The following STK32C variants were observed in gnomAD, a reference collection of about 807,000 sequenced individuals.
The protein encoded by STK32C is serine/threonine kinase 32C.
A neutral mutation model predicts 56.5 loss-of-function variants in STK32C; 31 were observed. That is an observed-to-expected ratio of 0.55 (90% CI 0.41 to 0.74). STK32C has a LOEUF of 0.74. Among genes scored for constraint, STK32C ranks in the 30% least tolerant of loss-of-function variants. STK32C has a pLI of 0.00. For missense variants in STK32C, 544 were observed against 676.9 expected (o/e 0.80, Z 2.18); for synonymous variants, 309 against 289.4 (o/e 1.07, Z -0.69).
rs1180550466 is a variant in STK32C at position 132,275,737 on chromosome 10, G to C, written c.263-29782C>G. Among the ~76,000 whole-genome samples, 3 of 152,304 alleles carry C rather than the reference G, an allele frequency of 2.0e-5. No individual in the cohort carries two copies. In the East Asian group the frequency reaches 5.8e-4, roughly 29 times the overall value. ...ACACCACCTTCTCTCAGGCTCCAGG[G>C]TCTGCCTTCCTGGGAAATCCCTTCA... On this transcript the variant is annotated intron_variant, in intron 1 of 11. Transcript: ENST00000298630.
chr10:132,293,560 G>C (rs1260644202), intron 1 of STK32C, among the ~76,000 whole-genome samples: 1 of 152,192 alleles, frequency 6.6e-6, no homozygotes, highest in East Asian at 1.9e-4. Context: ...CTGCCACCCA[G>C]ACTGGGCCAG....
chr10:132,303,662 T>C (rs1490048247), intron 1 of STK32C, among the ~76,000 whole-genome samples: 3 of 152,220 alleles, frequency 2.0e-5, no homozygotes, highest in Non-Finnish European at 2.9e-5. Flanking sequence ...CTGAATGCTC[T>C]AAACATTTAA....
At chr10:132,323,524 C>A (rs905235149), downstream of STK32C, among the ~76,000 whole-genome samples, 2 of 152,226 alleles carry the variant, frequency 1.3e-5, no homozygotes, top group Admixed American at 1.3e-4. The surrounding 1 kb of genome is among the most constrained non-coding windows in gnomAD (Gnocchi z 4.8). Flanking sequence ...CTAATTGTGG[C>A]AGACAGAATA....
At chr10:132,247,782 G>A (rs1025158047) in intron 1 of STK32C, among the ~76,000 whole-genome samples, 7 of 152,092 alleles carry the variant, frequency 4.6e-5, no homozygotes, top group African/African-American at 7.2e-5. Context: ...TGGGGAGAGC[G>A]GTTTGATTTA....
intron 2 of STK32C, among the ~76,000 whole-genome samples, chr10:132,242,473 A>C (rs7905803): frequency 0.045 from 6,790 of 151,796 alleles, 263 homozygotes; most frequent in African/African-American, 0.11. Flanking sequence ...AAAGACAGAC[A>C]CTCCAAGAGG....
intron 10 of STK32C, among the ~76,000 whole-genome samples, chr10:132,218,722 C>T (rs142139891): frequency 4.7e-4 from 72 of 152,270 alleles, no homozygotes; most frequent in African/African-American, 1.6e-3. Context: ...AATAAAAGTA[C>T]ATATCCACAC....
chr10:132,301,916 C>T (rs1241822964), intron 1 of STK32C, among the ~76,000 whole-genome samples: 1 of 152,224 alleles, frequency 6.6e-6, no homozygotes, highest in Admixed American at 6.5e-5. Flanking sequence ...CCCTCACTCA[C>T]CATGATGCAC....
At chr10:132,259,791 T>A (rs759853059) in intron 1 of STK32C, among the ~76,000 whole-genome samples, 10 of 152,354 alleles carry the variant, frequency 6.6e-5, no homozygotes, top group Middle Eastern at 3.4e-3. Context: ...CAGGAAACCA[T>A]GGCCGGCATT....
chr10:132,221,788 G>A (rs1220395338), intron 10 of STK32C, among the ~76,000 whole-genome samples: 26 of 129,104 alleles, frequency 2.0e-4, no homozygotes, highest in African/African-American at 5.0e-4. Context: ...CGAGTCTGAG[G>A]GCTTCATGTG....
At chr10:132,283,685 C>G (rs2065286013) in intron 1 of STK32C, among the ~76,000 whole-genome samples, 1 of 152,162 alleles carries the variant, frequency 6.6e-6, no homozygotes, top group Admixed American at 6.5e-5. Flanking sequence ...GAGGGAGAGG[C>G]CGCGGGCTGT....
At chr10:132,242,435 G>T (rs1565099817) in intron 2 of STK32C, among the ~76,000 whole-genome samples, 1 of 152,078 alleles carries the variant, frequency 6.6e-6, no homozygotes, top group Non-Finnish European at 1.5e-5. Context: ...GGTTGGGGGG[G>T]CTCTCTCCAA....
chr10:132,248,937 C>CG, intron 1 of STK32C: 1 of 456,510 alleles, frequency 2.2e-6, no homozygotes, highest in Non-Finnish European at 4.4e-6. Context: ...TAGTCCCTCC[C>CG]GGAGAGGAAA....
chr10:132,294,650 T>C (rs2065680851), intron 1 of STK32C, among the ~76,000 whole-genome samples: 1 of 152,084 alleles, frequency 6.6e-6, no homozygotes, highest in Non-Finnish European at 1.5e-5. Flanking sequence ...TCCAGCTAGT[T>C]GTGTACACAG....
chr10:132,260,840 C>T (rs947767405), intron 1 of STK32C, among the ~76,000 whole-genome samples: 1 of 152,220 alleles, frequency 6.6e-6, no homozygotes, highest in Non-Finnish European at 1.5e-5. Flanking sequence ...CACCTGGGGG[C>T]CCCTGGACGT....
In STK32C at chr10:132,208,142, C is replaced by T. The variant is rs2062157998; in HGVS notation, c.1329G>A (p.Arg443=). Residue 443 remains arginine, a synonymous_variant, in exon 12 of 12, where the codon AGG becomes AGA. Transcript: ENST00000298630. ...FVIFNREKLK[R]SQDLPREPLP... ...GAGGCTCCCTCGGGAGGTCCTGGCT[C>T]CTCTTCAGCCTGGGGTGGCAGGAAC... 1 of 1,310,270 alleles carries T rather than the reference C, an allele frequency of 7.6e-7. No individual in the cohort carries two copies. The highest frequency in any genetic ancestry group is 9.8e-7 in the Non-Finnish European group (1 of 1,021,214). The allele number at this position is 1,310,270 out of a possible 1,614,324, so 81.2% of individuals were successfully genotyped here. A position where few individuals can be genotyped will look rare whatever the true frequency, so the allele number is the denominator to read the frequency against.
At chr10:132,260,097 G>A (rs1176540128) in intron 1 of STK32C, among the ~76,000 whole-genome samples, 1 of 151,918 alleles carries the variant, frequency 6.6e-6, no homozygotes, top group Non-Finnish European at 1.5e-5. Flanking sequence ...GCTAAACCCT[G>A]ATGATGTTGA....
At chr10:132,291,563 A>C (rs2065564678) in intron 1 of STK32C, among the ~76,000 whole-genome samples, 1 of 152,138 alleles carries the variant, frequency 6.6e-6, no homozygotes, top group Admixed American at 6.5e-5. Context: ...CGCCCAATGG[A>C]GTTGGGCCTG....
intron 1 of STK32C, among the ~76,000 whole-genome samples, chr10:132,290,470 A>G (rs1180459490): frequency 6.6e-6 from 1 of 152,216 alleles, no homozygotes; most frequent in East Asian, 1.9e-4. Context: ...CCTAGAGAGG[A>G]TGCGATTACT....
At chr10:132,263,142 T>C (rs935094435) in intron 1 of STK32C, among the ~76,000 whole-genome samples, 2 of 152,212 alleles carry the variant, frequency 1.3e-5, no homozygotes, top group Admixed American at 1.3e-4. Flanking sequence ...CGCGCATTCG[T>C]GTGTTCATTG....
Sources: allele counts gnomAD v4.1 joint callset (sites outside exome capture counted in the v4.1 genomes callset), GRCh38; gene constraint gnomAD v4.1.1; non-coding constraint Gnocchi (gnomAD v3.1); transcripts MANE v1.5; gene names NCBI Gene and HGNC (gene_info 2026-07-23, HGNC 2026-07-21).